SGCD: variants seen among roughly 807,000 people sequenced by gnomAD.
The protein encoded by SGCD is sarcoglycan delta.
Under a neutral mutation model 36.6 loss-of-function variants are expected in SGCD, and 18 were observed. The ratio of observed to expected loss-of-function variants is 0.49; its 90% CI spans 0.34 to 0.73. The LOEUF (loss-of-function observed/expected upper bound fraction) is 0.73. Ranked by LOEUF, SGCD falls within the 30% of genes least tolerant of loss-of-function variation. The pLI, the probability that SGCD is intolerant of heterozygous loss-of-function variation, is 0.01. For missense variants in SGCD, 387 were observed against 346.7 expected, an observed-to-expected ratio of 1.12 and a Z score of -0.92; for synonymous variants, 133 against 130.6, an observed-to-expected ratio of 1.02 and a Z score of -0.12.
At chr5:156,085,805 G>T (rs1761077117) in intron 1 of SGCD, among the ~76,000 whole-genome samples, 1 of 152,176 alleles carries the variant, frequency 6.6e-6, no homozygotes, top group Non-Finnish European at 1.5e-5. Flanking sequence ...GTGATCCAGG[G>T]TTTCTTTATG....
chr5:156,587,555 C>T (rs948131659), intron 4 of SGCD, among the ~76,000 whole-genome samples: 5 of 152,172 alleles, frequency 3.3e-5, no homozygotes, highest in Admixed American at 3.3e-4. Context: ...TTGAAAGCCA[C>T]CTGGGGATGG....
At chr5:155,856,860 G>A in the SGCD span, among the ~76,000 whole-genome samples, 3 of 152,228 alleles carry the variant, frequency 2.0e-5, no homozygotes, top group Admixed American at 6.5e-5. Context: ...TATCGGAAAG[G>A]ATGTGGAGCA....
chr5:156,080,558 A>G (rs1366578995), intron 1 of SGCD, among the ~76,000 whole-genome samples: 1 of 152,234 alleles, frequency 6.6e-6, no homozygotes, highest in East Asian at 1.9e-4. Flanking sequence ...ATAAGCTATT[A>G]AAAGCAGCCA....
chr5:156,265,073 C>A (rs1037641322), intron 3 of SGCD, among the ~76,000 whole-genome samples: 2 of 152,138 alleles, frequency 1.3e-5, no homozygotes, highest in African/African-American at 2.4e-5. Context: ...GAAGCCCAGC[C>A]TTTTCAGTCT....
chr5:156,037,283 G>C (rs1759522840), intron 1 of SGCD, among the ~76,000 whole-genome samples: 1 of 152,194 alleles, frequency 6.6e-6, no homozygotes, highest in Non-Finnish European at 1.5e-5. Context: ...TGAGCAGCAG[G>C]AGTGGCATGT....
chr5:156,573,933 TC>T (rs1759823452), intron 4 of SGCD, among the ~76,000 whole-genome samples: 1 of 152,054 alleles, frequency 6.6e-6, no homozygotes, highest in Admixed American at 6.6e-5. Context: ...CCTCAAGTGA[TC>T]CTCCCTCCTT....
chr5:156,321,113 TAAAAACAAAAAC>T (rs533078143), intron 3 of SGCD, among the ~76,000 whole-genome samples: 3 of 151,968 alleles, frequency 2.0e-5, no homozygotes, highest in African/African-American at 2.4e-5. Context: ...AAAAACAAAT[TAAAAACAAAAAC>T]AAAAACAAAA....
intron 1 of SGCD, among the ~76,000 whole-genome samples, chr5:156,327,690 G>C (rs2127700057): frequency 6.6e-6 from 1 of 152,298 alleles, no homozygotes; most frequent in African/African-American, 2.4e-5. Context: ...TCTCATTTTA[G>C]GAGGGAATCA....
In SGCD at chr5:156,756,595, T is replaced by G. The variant is rs571136697; in HGVS notation, c.576-986T>G. On this transcript the variant is annotated intron_variant, in intron 7 of 8. Transcript: ENST00000337851. ...TAGGGGATGGTTGAGTTTCAGTTAATGTTTTTCTCATTATATGAATTAGGC... is the reference window on the plus strand; with the variant it reads ...TAGGGGATGGTTGAGTTTCAGTTAAGGTTTTTCTCATTATATGAATTAGGC... Among the ~76,000 whole-genome samples, 8 of 152,338 alleles carry G rather than the reference T, an allele frequency of 5.3e-5. No homozygotes were observed. In the East Asian group the frequency reaches 9.6e-4, roughly 18 times the overall value.
intron 7 of SGCD, among the ~76,000 whole-genome samples, chr5:156,674,730 A>T (rs1468058202): frequency 6.6e-6 from 1 of 152,236 alleles, no homozygotes; most frequent in East Asian, 1.9e-4. Context: ...TTAAGTTAAA[A>T]TTCCTTGCAA....
At chr5:156,249,678 A>G (rs1176120082) in intron 3 of SGCD, among the ~76,000 whole-genome samples, 1 of 151,826 alleles carries the variant, frequency 6.6e-6, no homozygotes, top group Non-Finnish European at 1.5e-5. Context: ...TGCAACTGCA[A>G]AGGAATTGGG....
chr5:155,787,705 G>T, the SGCD span, among the ~76,000 whole-genome samples: 2 of 152,070 alleles, frequency 1.3e-5, no homozygotes, highest in Admixed American at 1.3e-4. Context: ...AAAGCTATTT[G>T]CTTTTTGCTT....
At chr5:155,795,544 G>A in the SGCD span, among the ~76,000 whole-genome samples, 37 of 151,976 alleles carry the variant, frequency 2.4e-4, no homozygotes, top group African/African-American at 8.9e-4. Context: ...CTTACTGGAG[G>A]AGAAAAAATA....
chr5:156,319,251 C>G (rs1767598537), intron 3 of SGCD, among the ~76,000 whole-genome samples: 1 of 152,116 alleles, frequency 6.6e-6, no homozygotes, highest in South Asian at 2.1e-4. Context: ...AAACTGGAAG[C>G]CTTGGGGAAA....
chr5:156,027,766 C>G (rs1348356104), intron 1 of SGCD, among the ~76,000 whole-genome samples: 1 of 152,158 alleles, frequency 6.6e-6, no homozygotes, highest in Non-Finnish European at 1.5e-5. Context: ...TCTACTGCTA[C>G]TTAATATTAA....
chr5:156,360,263 T>C, intron 3 of SGCD, among the ~76,000 whole-genome samples: 1 of 114,706 alleles, frequency 8.7e-6, no homozygotes, highest in South Asian at 2.9e-4. Flanking sequence ...TTTTTTTTTT[T>C]GGAGACAAAG....
chr5:156,721,259 G>A (rs1309268741), intron 7 of SGCD, among the ~76,000 whole-genome samples: 1 of 151,984 alleles, frequency 6.6e-6, no homozygotes, highest in African/African-American at 2.4e-5. Context: ...GTGTAGAGAT[G>A]GTAACCAGGC....
chr5:156,013,662 A>G (rs1758906524), intron 1 of SGCD, among the ~76,000 whole-genome samples: 1 of 151,940 alleles, frequency 6.6e-6, no homozygotes, highest in African/African-American at 2.4e-5. Flanking sequence ...TTGATTCTTC[A>G]TGTCTTTTGC....
chr5:156,075,640 G>T (rs1209617227), intron 1 of SGCD, among the ~76,000 whole-genome samples: 1 of 152,160 alleles, frequency 6.6e-6, no homozygotes, highest in Non-Finnish European at 1.5e-5. Flanking sequence ...GATGGATTTT[G>T]ATGGGTAGAA....
Sources: gnomAD v4.1 joint callset for allele counts (sites outside exome capture counted in the v4.1 genomes callset) on GRCh38, gnomAD v4.1.1 for gene constraint, MANE v1.5 for transcripts, NCBI Gene and HGNC (gene_info 2026-07-23, HGNC 2026-07-21) for gene names.